CYP27A1: variants seen among roughly 807,000 people sequenced by gnomAD.
CYP27A1 encodes the protein sterol 26-hydroxylase, mitochondrial.
In CYP27A1, 46 loss-of-function variants were observed where a neutral mutation model predicts 58.2. The observed-to-expected ratio is 0.79, with a 90% confidence interval of 0.62 to 1.01. The LOEUF (loss-of-function observed/expected upper bound fraction) is 1.01. Among genes scored for constraint, CYP27A1 ranks in the 50% least tolerant of loss-of-function variants. The pLI, the probability that CYP27A1 is intolerant of heterozygous loss-of-function variation, is 0.00. For synonymous variants in CYP27A1, 274 were observed against 285.1 expected, an observed-to-expected ratio of 0.96 and a Z score of 0.39; for missense variants, 704 against 687.0, an observed-to-expected ratio of 1.02 and a Z score of -0.28.
intron 2 of CYP27A1, 47 bp from the exon 3 acceptor site, chr2:218,812,175 A>G (rs1003735755): frequency 6.2e-6 from 9 of 1,458,958 alleles, no homozygotes; most frequent in Non-Finnish European, 7.7e-6. Flanking sequence ...CCTTAATTGA[A>G]CCCCCATAGA....
intron 5 of CYP27A1, 58 bp downstream of exon 5, chr2:218,813,154 C>T (rs1943743409): frequency 6.7e-7 from 1 of 1,492,852 alleles, no homozygotes; most frequent in African/African-American, 1.4e-5. Context: ...GAACCAGTTC[C>T]CTATTATCCC....
rs1294777096 is a variant in CYP27A1, at chr2:218,796,192, C to T, written c.256-13385C>T. On this transcript the variant is annotated intron_variant, in intron 1 of 8. Coordinates refer to ENST00000258415, the MANE Select transcript of CYP27A1 (RefSeq NM_000784.4). ...CTTGACTCCTTAAAGGGAAGCATAC[C>T]TTTCTAGTCAAAGCCTTGGTAAAAC... is the stretch of plus-strand genomic sequence containing the variant. 2.0e-5 allele frequency among the ~76,000 whole-genome samples: 3 copies of T among 152,206 alleles called. No homozygotes were observed. The South Asian group carries it at 6.2e-4, about 31-fold the overall frequency.
intron 1 of CYP27A1, among the ~76,000 whole-genome samples, chr2:218,790,072 T>C (rs890396543): frequency 3.3e-5 from 5 of 152,228 alleles, no homozygotes; most frequent in African/African-American, 7.2e-5. Context: ...TCGAAAACAA[T>C]GGCCTCCCAT....
chr2:218,807,319 C>T (rs1943662364), intron 1 of CYP27A1, among the ~76,000 whole-genome samples: 1 of 151,886 alleles, frequency 6.6e-6, no homozygotes, highest in African/African-American at 2.4e-5. Flanking sequence ...TAAAAAGCAA[C>T]CTTTAAGGAA....
intron 1 of CYP27A1, among the ~76,000 whole-genome samples, chr2:218,783,655 C>T (rs1209801509): frequency 6.6e-6 from 1 of 152,134 alleles, no homozygotes; most frequent in African/African-American, 2.4e-5. Context: ...AAGTTAACTT[C>T]ACAGAGAGAA....
At chr2:218,784,431 G>A (rs1943423839) in intron 1 of CYP27A1, among the ~76,000 whole-genome samples, 1 of 152,146 alleles carries the variant, frequency 6.6e-6, no homozygotes, top group Non-Finnish European at 1.5e-5. Context: ...GTCTACAGGA[G>A]GCCAAGGAAG....
At chr2:218,806,463 C>T (rs181019675) in intron 1 of CYP27A1, among the ~76,000 whole-genome samples, 3 of 152,304 alleles carry the variant, frequency 2.0e-5, no homozygotes, top group African/African-American at 7.2e-5. Flanking sequence ...TGCTAGGCAC[C>T]CGGCAACGCA....
At chr2:218,789,657 G>A (rs1038332878) in intron 1 of CYP27A1, among the ~76,000 whole-genome samples, 3 of 152,136 alleles carry the variant, frequency 2.0e-5, no homozygotes, top group African/African-American at 7.2e-5. Context: ...AAACCTTTAG[G>A]CCAAACTTAA....
At chr2:218,798,189 G>A (rs1265459837) in intron 1 of CYP27A1, among the ~76,000 whole-genome samples, 2 of 152,094 alleles carry the variant, frequency 1.3e-5, no homozygotes, top group Non-Finnish European at 1.5e-5. Context: ...ATTTCTAGTA[G>A]AGATGGGGTT....
chr2:218,790,382 T>C (rs1295035858), intron 1 of CYP27A1, among the ~76,000 whole-genome samples: 2 of 151,684 alleles, frequency 1.3e-5, no homozygotes, highest in African/African-American at 4.8e-5. Flanking sequence ...ATACCTAGAG[T>C]TTGGACTATG....
chr2:218,793,624 A>C (rs1943517440), intron 1 of CYP27A1, among the ~76,000 whole-genome samples: 1 of 152,190 alleles, frequency 6.6e-6, no homozygotes, highest in South Asian at 2.1e-4. Flanking sequence ...TAATTTTAAT[A>C]AAACTTCATA....
intron 1 of CYP27A1, among the ~76,000 whole-genome samples, chr2:218,791,500 A>G (rs1421228647): frequency 6.6e-6 from 1 of 152,222 alleles, no homozygotes; most frequent in East Asian, 1.9e-4. Flanking sequence ...ATTGAAAGAT[A>G]AGAGTCTCGT....
intron 1 of CYP27A1, among the ~76,000 whole-genome samples, chr2:218,785,266 A>G (rs969627741): frequency 1.3e-5 from 2 of 152,174 alleles, no homozygotes; most frequent in African/African-American, 2.4e-5. Context: ...CAGGAGGCAG[A>G]GCTCAGGTGG....
At chr2:218,812,825 G>A (rs1339606764) in intron 4 of CYP27A1, 76 bp downstream of exon 4, 1 of 1,606,528 alleles carries the variant, frequency 6.2e-7, no homozygotes, top group Non-Finnish European at 8.5e-7. Context: ...GTCTCTCCCA[G>A]GCCTTTTCCC....
Position 218,809,588 on chromosome 2 carries a change from G to A in CYP27A1, c.267G>A (p.Lys89=). 1 of 1,613,674 alleles carries A rather than the reference G, an allele frequency of 6.2e-7. No individual in the cohort carries two copies. The highest frequency in any genetic ancestry group is 8.5e-7 in the Non-Finnish European group (1 of 1,179,854). The change falls in exon 2 of 9, where the codon AAG becomes AAA. Residue 89 remains lysine, a synonymous_variant. Transcript: ENST00000258415. ...ATTGAACTCCACAGGTGCTTTACAA[G>A]GCCAAGTACGGTCCAATGTGGATGT... ...LQLHQLQVLY[K]AKYGPMWMSY...
intron 1 of CYP27A1, among the ~76,000 whole-genome samples, chr2:218,805,073 G>C (rs913351152): frequency 2.2e-4 from 33 of 152,158 alleles, no homozygotes; most frequent in African/African-American, 8.0e-4. Context: ...CTTCCTTAGA[G>C]GCCCCATCAA....
rs998712729 is a variant in CYP27A1, at chr2:218,796,720, G to A, written c.256-12857G>A. Among the ~76,000 whole-genome samples the A allele has an allele frequency of 3.9e-5, 6 of 152,238 alleles. No homozygotes were observed. The East Asian group carries it at 1.2e-3, about 29-fold the overall frequency. ...GGCATATAGCTTACTCAATTATTAA[G>A]GCTGTAAATAATTCAAAATAAGTTT... On this transcript the variant is annotated intron_variant, in intron 1 of 8. Coordinates refer to ENST00000258415, the MANE Select transcript of CYP27A1 (RefSeq NM_000784.4).
At chr2:218,810,995 C>CA (rs1193963901) in intron 2 of CYP27A1, among the ~76,000 whole-genome samples, 2 of 152,034 alleles carry the variant, frequency 1.3e-5, no homozygotes, top group Admixed American at 1.3e-4. Context: ...AAAAAAAATA[C>CA]AAAAAATTAG....
In CYP27A1 at chr2:218,812,318, G is replaced by T. The variant is rs2105979971; in HGVS notation, c.543G>T (p.Val181=). The T allele has an allele frequency of 6.2e-7, 1 of 1,614,254 alleles. No individual in the cohort carries two copies. The highest frequency in any genetic ancestry group is 8.5e-7 in the Non-Finnish European group (1 of 1,180,042). The stretch of plus-strand genomic sequence containing the variant: ...TCTATACGGATGCTTTCAATGAGGT[G>T]ATTGATGACTTTATGACTCGACTGG... ...AALYTDAFNE[V]IDDFMTRLDQ... is the part of the protein sequence containing the mutation. The change falls in exon 3 of 9, where the codon GTG becomes GTT. Residue 181 remains valine, a synonymous_variant. Coordinates refer to ENST00000258415, the MANE Select transcript of CYP27A1 (RefSeq NM_000784.4).
Sources: gnomAD v4.1 joint callset for allele counts (sites outside exome capture counted in the v4.1 genomes callset) on GRCh38, gnomAD v4.1.1 for gene constraint, MANE v1.5 for transcripts, NCBI Gene and HGNC (gene_info 2026-07-23, HGNC 2026-07-21) for gene names.